The following DIP2C variants were observed in gnomAD, a reference collection of about 807,000 sequenced individuals.
The protein encoded by DIP2C is disco-interacting protein 2 homolog C.
A neutral mutation model predicts 192.4 loss-of-function variants in DIP2C; 33 were observed. The ratio of observed to expected loss-of-function variants is 0.17; its 90% confidence interval spans 0.13 to 0.23. The LOEUF (loss-of-function observed/expected upper bound fraction) is 0.23, where lower values mean the gene tolerates loss of function less well. Ranked by LOEUF, DIP2C falls within the 10% of genes least tolerant of loss-of-function variation. The pLI is 1.00. For missense variants in DIP2C, 1,537 were observed against 2,110.1 expected (o/e 0.73, Z 5.32); for synonymous variants, 979 against 864.1 (o/e 1.13, Z -2.33).
chr10:420,311 C>T (rs77239431), intron 5 of DIP2C, among the ~76,000 whole-genome samples: 2 of 152,370 alleles, frequency 1.3e-5, no homozygotes, highest in East Asian at 3.9e-4. Context: ...TGGGCGGTGC[C>T]GAGCTGCCTG....
chr10:421,552 A>G lies in DIP2C; in HGVS notation c.604+1272T>C, dbSNP rs537196039. On this transcript the variant is annotated intron_variant, in intron 5 of 36. Transcript: ENST00000280886. ...AAATAACAGTCACACATTCCTGTTCATTGTTTAACGTACTGTGATTTCAAG... is the reference window on the plus strand; with the variant it reads ...AAATAACAGTCACACATTCCTGTTCGTTGTTTAACGTACTGTGATTTCAAG... 1.4e-4 allele frequency among the ~76,000 whole-genome samples: 21 copies of G among 152,312 alleles called. No homozygotes were observed. In the South Asian group the frequency reaches 4.4e-3, roughly 32 times the overall value.
chr10:670,085 C>T (rs1857350298), intron 1 of DIP2C, among the ~76,000 whole-genome samples: 1 of 152,156 alleles, frequency 6.6e-6, no homozygotes, highest in African/African-American at 2.4e-5. Context: ...TGCACACACA[C>T]ATGCATACAC....
intron 11 of DIP2C, 146 bp downstream of exon 11, chr10:390,594 G>C (rs1963383405): frequency 7.2e-7 from 1 of 1,384,178 alleles, no homozygotes; most frequent in Non-Finnish European, 9.8e-7. Flanking sequence ...TGTGTCATCA[G>C]GGACGAGAAC....
chr10:509,412 T>A (rs1243372291), intron 1 of DIP2C, among the ~76,000 whole-genome samples: 4 of 152,098 alleles, frequency 2.6e-5, no homozygotes, highest in Admixed American at 6.5e-5. Context: ...CCTGGATCCA[T>A]CCGCGCTGCT....
intron 2 of DIP2C, among the ~76,000 whole-genome samples, chr10:480,275 G>A (rs1409162032): frequency 7.2e-6 from 1 of 139,320 alleles, no homozygotes; most frequent in East Asian, 2.3e-4. Context: ...CTGAGCTCCG[G>A]GGTCCATGCT....
chr10:581,321 T>C (rs891477600), intron 1 of DIP2C, among the ~76,000 whole-genome samples: 1 of 152,172 alleles, frequency 6.6e-6, no homozygotes, highest in Non-Finnish European at 1.5e-5. Context: ...AGATGGCAAG[T>C]ATGATGGTCA....
intron 17 of DIP2C, among the ~76,000 whole-genome samples, chr10:380,878 G>C (rs1039187550): frequency 2.0e-5 from 3 of 152,172 alleles, no homozygotes; most frequent in African/African-American, 7.2e-5. Flanking sequence ...GAATACACTT[G>C]AGTTCACAGG....
chr10:423,611 G>A (rs1378101961), intron 4 of DIP2C, among the ~76,000 whole-genome samples: 1 of 152,086 alleles, frequency 6.6e-6, no homozygotes, highest in African/African-American at 2.4e-5. Context: ...ACATCAGTGT[G>A]TTAGATACCC....
intron 1 of DIP2C, among the ~76,000 whole-genome samples, chr10:552,003 G>C (rs907780779): frequency 5.9e-5 from 9 of 152,226 alleles, no homozygotes; most frequent in African/African-American, 2.2e-4. Context: ...ATCAAAGGGA[G>C]GGCTTCTCAA....
intron 14 of DIP2C, among the ~76,000 whole-genome samples, chr10:385,112 G>A (rs887164278): frequency 7.2e-5 from 11 of 151,794 alleles, no homozygotes; most frequent in Non-Finnish European, 1.6e-4. Flanking sequence ...GGGAGGAGAA[G>A]CAGCTCTCAT....
intron 31 of DIP2C, among the ~76,000 whole-genome samples, chr10:314,867 G>T (rs756158808): frequency 2.6e-5 from 4 of 152,132 alleles, no homozygotes; most frequent in Non-Finnish European, 2.9e-5. Context: ...ACTGCATTAG[G>T]GATTATAGTT....
intron 1 of DIP2C, among the ~76,000 whole-genome samples, chr10:594,371 C>T (rs1851574706): frequency 6.6e-6 from 1 of 152,000 alleles, no homozygotes; most frequent in Non-Finnish European, 1.5e-5. Flanking sequence ...ACCATTTCAA[C>T]ATAAGGGAAC....
At chr10:455,156 C>T (rs903340969) in intron 3 of DIP2C, among the ~76,000 whole-genome samples, 12 of 152,204 alleles carry the variant, frequency 7.9e-5, no homozygotes, top group African/African-American at 2.4e-4. Flanking sequence ...GGAGCCAGGC[C>T]GCACCGGTTC....
chr10:350,168 G>T (rs1466948655), intron 24 of DIP2C, among the ~76,000 whole-genome samples: 2 of 151,668 alleles, frequency 1.3e-5, no homozygotes, highest in Non-Finnish European at 2.9e-5. Flanking sequence ...ACTGCAGCCT[G>T]GACCTGCTGG....
chr10:456,644 C>T (rs147491524), intron 3 of DIP2C, among the ~76,000 whole-genome samples: 12 of 152,320 alleles, frequency 7.9e-5, no homozygotes, highest in Non-Finnish European at 1.3e-4. Context: ...GTGCAAGAGG[C>T]CAGACGAGAC....
intron 1 of DIP2C, among the ~76,000 whole-genome samples, chr10:497,867 T>A (rs74729264): frequency 5.1e-4 from 77 of 152,306 alleles, no homozygotes; most frequent in Non-Finnish European, 8.2e-4. Context: ...AAAACATATG[T>A]CATGAGATGA....
At chr10:439,048 G>T (rs1967504096) in intron 4 of DIP2C, among the ~76,000 whole-genome samples, 1 of 152,150 alleles carries the variant, frequency 6.6e-6, no homozygotes, top group South Asian at 2.1e-4. Flanking sequence ...ATTTTGCCAT[G>T]TTTTCCGGGC....
chr10:413,279 T>C (rs887246212), intron 8 of DIP2C, among the ~76,000 whole-genome samples: 4 of 152,362 alleles, frequency 2.6e-5, no homozygotes, highest in Non-Finnish European at 5.9e-5. Flanking sequence ...ACAGACTGTA[T>C]TAATTGTACT....
In DIP2C at chr10:348,631, G is replaced by C. The variant is rs200693775; in HGVS notation, c.3231+10C>G. 56 of 1,611,726 alleles carry C rather than the reference G, an allele frequency of 3.5e-5. No homozygotes were observed. The highest frequency in any genetic ancestry group is 5.9e-6 in the Non-Finnish European group (7 of 1,179,268). ...GCAGGTGGAGGCCCCGACATTCCCAGGCATGTTACCTCCACAATCATCTTG... is the reference window on the plus strand; with the variant it reads ...GCAGGTGGAGGCCCCGACATTCCCACGCATGTTACCTCCACAATCATCTTG... On this transcript the variant is annotated intron_variant, in intron 26 of 36. Coordinates refer to ENST00000280886, the MANE Select transcript of DIP2C (RefSeq NM_014974.3).
Sources: gnomAD v4.1 joint callset for allele counts (sites outside exome capture counted in the v4.1 genomes callset) on GRCh38, gnomAD v4.1.1 for gene constraint, MANE v1.5 for transcripts, NCBI Gene and HGNC (gene_info 2026-07-23, HGNC 2026-07-21) for gene names.